Variants in KIF1A observed in about 807,000 individuals in gnomAD.
The protein encoded by KIF1A is kinesin-like protein KIF1A.
KIF1A carries 46 observed loss-of-function variants against 227.3 expected under a neutral mutation model. The observed-to-expected ratio is 0.20, with a 90% CI of 0.16 to 0.26. The LOEUF (loss-of-function observed/expected upper bound fraction) is 0.26, where lower values mean the gene tolerates loss of function less well. Ranked by LOEUF, KIF1A falls within the 10% of genes least tolerant of loss-of-function variation. The pLI, the probability that KIF1A is intolerant of heterozygous loss-of-function variation, is 1.00. For missense variants in KIF1A, 1,683 were observed against 2,485.9 expected (o/e 0.68, Z 6.87); for synonymous variants, 1,022 against 1,012.8 (o/e 1.01, Z -0.17).
At chr2:240,719,968 G>A (rs1485163147) in intron 45 of KIF1A, 42 bp from the exon 46 acceptor site, 2 of 1,536,424 alleles carry the variant, frequency 1.3e-6, no homozygotes, top group Admixed American at 2.0e-5. Flanking sequence ...AGGCCTCCCT[G>A]GGCCTGGGGC....
At chr2:240,774,119 C>A in intron 12 of KIF1A, 64 bp downstream of exon 12, 1 of 1,083,788 alleles carries the variant, frequency 9.2e-7, no homozygotes. Flanking sequence ...AATTCAAGCA[C>A]GAGAGGATCC....
chr2:240,774,336 C>G (rs991417751), intron 11 of KIF1A, 75 bp from the exon 12 acceptor site: 3 of 984,532 alleles, frequency 3.0e-6, no homozygotes, highest in South Asian at 1.4e-5. Flanking sequence ...CCCTTCCCCC[C>G]ACATTTACAG....
intron 1 of KIF1A, among the ~76,000 whole-genome samples, chr2:240,800,077 C>G (rs184633005): frequency 6.6e-6 from 1 of 150,492 alleles, no homozygotes; most frequent in Non-Finnish European, 1.5e-5. Flanking sequence ...AGAAATGACA[C>G]GTGAACAGAC....
At position 240,726,027 on chromosome 2, in the gene KIF1A, T is replaced by G. The variant is rs1001670270; in HGVS notation, c.4123-623A>C. 2 of 152,370 alleles carry G rather than the reference T, an allele frequency of 1.3e-5. No individual in the cohort carries two copies. The highest frequency in any genetic ancestry group is 2.4e-5 in the African/African-American group (1 of 41,450). 9.4% of individuals were successfully genotyped at this position (152,370 alleles called of 1,614,324 possible). The stretch of plus-strand genomic sequence containing the variant: ...CGGCTGTAACTAAGGAGAGGGGATG[T>G]GCTTGCAGATGCCCCTGCCCACTGC... On this transcript the variant is annotated intron_variant, in intron 39 of 48. Transcript: ENST00000498729. The surrounding 1 kb of genome is among the most constrained non-coding windows in gnomAD (Gnocchi z 5.2).
At chr2:240,776,225 C>G (rs2052711143) in intron 10 of KIF1A, among the ~76,000 whole-genome samples, 1 of 152,214 alleles carries the variant, frequency 6.6e-6, no homozygotes, top group Non-Finnish European at 1.5e-5. Flanking sequence ...GCCAGGAGTG[C>G]TGATGTCACC....
intron 38 of KIF1A, among the ~76,000 whole-genome samples, chr2:240,733,834 C>T (rs1011546245): frequency 4.6e-5 from 7 of 152,188 alleles, no homozygotes; most frequent in African/African-American, 1.7e-4. Context: ...GGATAACTGC[C>T]GTGACGCTGG....
At chr2:240,784,522 G>A (rs950502687) in intron 7 of KIF1A, among the ~76,000 whole-genome samples, 7 of 152,194 alleles carry the variant, frequency 4.6e-5, no homozygotes, top group South Asian at 2.1e-4. Context: ...TGTGCCTGGC[G>A]GACCTCCAGC....
chr2:240,726,049 C>A lies in KIF1A; in HGVS notation c.4123-645G>T, dbSNP rs2045966630. On this transcript the variant is annotated intron_variant, in intron 39 of 48. Transcript: ENST00000498729. The surrounding 1 kb of genome is among the most constrained non-coding windows in gnomAD (Gnocchi z 5.2). ...ATGTGCTTGCAGATGCCCCTGCCCACTGCTCCCCACCCTCCCTCTCCCTCA... is the reference window on the plus strand; with the variant it reads ...ATGTGCTTGCAGATGCCCCTGCCCAATGCTCCCCACCCTCCCTCTCCCTCA... 6.6e-6 allele frequency: 1 copy of A among 152,538 alleles called. No homozygotes were observed. 9.4% of individuals were successfully genotyped at this position (152,538 alleles called of 1,614,324 possible). A position where few individuals can be genotyped will look rare whatever the true frequency, so the allele number is the denominator to read the frequency against.
In KIF1A at chr2:240,739,939, C is replaced by G. The variant is rs992154120; in HGVS notation, c.3901+119G>C. ...TCACAGAGAGATTATGTGACCCGGC[C>G]AGGGTCACGCAGCAACAGACGCAGA... On this transcript the variant is annotated intron_variant, in intron 37 of 48. Transcript: ENST00000498729. The surrounding 1 kb of genome is among the most constrained non-coding windows in gnomAD (Gnocchi z 5.6). 1 of 738,416 alleles carries G rather than the reference C, an allele frequency of 1.4e-6. No individual in the cohort carries two copies. Among genetic ancestry groups the G allele is most frequent in the Admixed American group, 2.2e-5 (1 of 46,142 alleles). 45.7% of individuals were successfully genotyped at this position (738,416 alleles called of 1,614,324 possible). A position where few individuals can be genotyped will look rare whatever the true frequency, so the allele number is the denominator to read the frequency against.
Position 240,788,321 on chromosome 2 carries a change from C to T in KIF1A, c.184-91G>A. On this transcript the variant is annotated intron_variant, in intron 3 of 48. Transcript: ENST00000498729. This position sits in a 1 kb window ranked among gnomAD's most constrained non-coding sequence, Gnocchi z 6.6. ...CTGCGGAGCCAGGGGATGCCCAGGG[C>T]CTCAGGGTGCCAGGGCAGCACAGTG... is the stretch of plus-strand genomic sequence containing the variant. 2.5e-6 allele frequency: 3 copies of T among 1,212,972 alleles called. No individual in the cohort carries two copies. In the South Asian group the frequency reaches 3.8e-5, roughly 16 times the overall value. The allele number at this position is 1,212,972 out of a possible 1,614,324, so 75.1% of individuals were successfully genotyped here.
chr2:240,721,014 G>A lies in KIF1A; in HGVS notation c.4768C>T (p.Leu1590Phe). ...AGAGGGGACATCGACGGGTCCCGGA[G>A]CAGGGTGACAGACATCTCGGAGAGC... The part of the protein sequence containing the change: ...SKLSEMSVTL[L>F]RDPSMSPLGV... Residue 1590 changes from leucine (L) to phenylalanine (F), a missense_variant, in exon 45 of 49, where the codon CTC (leucine) becomes TTC (phenylalanine). Physicochemically the swap from Leu to Phe is conservative, Grantham distance 22 (BLOSUM62 0). Coordinates refer to ENST00000498729, the MANE Select transcript of KIF1A (RefSeq NM_001244008.2). The A allele has an allele frequency of 6.2e-7, 1 of 1,611,752 alleles. No individual in the cohort carries two copies. Among genetic ancestry groups the A allele is most frequent in the South Asian group, 1.1e-5 (1 of 90,720 alleles).
intron 1 of KIF1A, among the ~76,000 whole-genome samples, chr2:240,817,151 G>A (rs552801051): frequency 5.3e-5 from 8 of 152,344 alleles, no homozygotes; most frequent in African/African-American, 1.2e-4. Flanking sequence ...GCCTATGGCC[G>A]GAGGCCACCA....
intron 1 of KIF1A, among the ~76,000 whole-genome samples, chr2:240,799,676 C>T (rs993065835): frequency 3.9e-5 from 6 of 152,272 alleles, no homozygotes; most frequent in East Asian, 1.9e-4. Flanking sequence ...ACGTTCCAGC[C>T]GGGATGGAGA....
chr2:240,729,442 C>T (rs866377865), intron 38 of KIF1A, among the ~76,000 whole-genome samples: 3 of 152,246 alleles, frequency 2.0e-5, no homozygotes, highest in Non-Finnish European at 4.4e-5. Context: ...GTCCTCCCAG[C>T]CCAGGCACTC....
At position 240,788,041 on chromosome 2, in the gene KIF1A, C is replaced by CCCCGCGGG; in HGVS notation, c.363+9_363+10insCCCGCGGG. 11 of 1,520,618 alleles carry CCCCGCGGG rather than the reference C, an allele frequency of 7.2e-6. No homozygotes were observed. The highest frequency in any genetic ancestry group is 9.8e-6 in the Non-Finnish European group (11 of 1,121,254). The allele number at this position is 1,520,618 out of a possible 1,614,324, so 94.2% of individuals were successfully genotyped here. On this transcript the variant is annotated intron_variant, in intron 4 of 48. Transcript: ENST00000498729. This position sits in a 1 kb window ranked among gnomAD's most constrained non-coding sequence, Gnocchi z 6.6. ...GCCAGGGCTGCCCCCGCCCGCCCCCCGCTTCGTGCCTGTGGGATGATGCCC... is the reference window on the plus strand; with the variant it reads ...GCCAGGGCTGCCCCCGCCCGCCCCCCCCCGCGGGGCTTCGTGCCTGTGGGATGATGCCC...
Position 240,757,624 on chromosome 2 carries a change from G to C in KIF1A, c.2583-30C>G. The C allele has an allele frequency of 6.9e-7, 1 of 1,450,380 alleles. No homozygotes were observed. The highest frequency in any genetic ancestry group is 1.2e-5 in the South Asian group (1 of 82,106). The allele number at this position is 1,450,380 out of a possible 1,614,324, so 89.8% of individuals were successfully genotyped here. On this transcript the variant is annotated intron_variant, in intron 26 of 48. Coordinates refer to ENST00000498729, the MANE Select transcript of KIF1A (RefSeq NM_001244008.2). This position sits in a 1 kb window ranked among gnomAD's most constrained non-coding sequence, Gnocchi z 6.2. ...GGTTAGTGCGACAAGACAGAGAGAA[G>C]TTAACACCAGCGACTCGCAGGGACG...
intron 23 of KIF1A, 93 bp downstream of exon 23, chr2:240,762,626 C>T: frequency 7.2e-7 from 1 of 1,396,444 alleles, no homozygotes; most frequent in East Asian, 2.6e-5. Flanking sequence ...GGCAAAAGTG[C>T]TGACCAGTGA....
At chr2:240,817,606 C>T (rs986736592) in intron 1 of KIF1A, among the ~76,000 whole-genome samples, 5 of 152,210 alleles carry the variant, frequency 3.3e-5, no homozygotes, top group Non-Finnish European at 7.4e-5. Context: ...CAGTAAATCC[C>T]AATGACCTAA....
rs368999163 is a variant in KIF1A at position 240,778,443 on chromosome 2, C to T, written c.883-2517G>A. On this transcript the variant is annotated intron_variant, in intron 10 of 48. Coordinates refer to ENST00000498729, the MANE Select transcript of KIF1A (RefSeq NM_001244008.2). This position sits in a 1 kb window ranked among gnomAD's most constrained non-coding sequence, Gnocchi z 7.2. ...CAACATTTCCTAACACGGCTCCCCA[C>T]GGGAGGCCTCACACGATCCTCCATT... is the stretch of plus-strand genomic sequence containing the variant. 1.3e-5 allele frequency among the ~76,000 whole-genome samples: 2 copies of T among 151,680 alleles called. No homozygotes were observed. Among genetic ancestry groups the T allele is most frequent in the South Asian group, 2.1e-4 (1 of 4,794 alleles).
Sources: allele counts gnomAD v4.1 joint callset (sites outside exome capture counted in the v4.1 genomes callset), GRCh38; gene constraint gnomAD v4.1.1; non-coding constraint Gnocchi (gnomAD v3.1); transcripts MANE v1.5; gene names NCBI Gene and HGNC (gene_info 2026-07-23, HGNC 2026-07-21).